Variants in PDSS1 observed in about 807,000 individuals in gnomAD.
PDSS1 encodes the protein all trans-polyprenyl-diphosphate synthase PDSS1.
A neutral mutation model predicts 57.5 loss-of-function variants in PDSS1; 43 were observed. That is an observed-to-expected ratio of 0.75 (90% confidence interval 0.59 to 0.96). PDSS1 has a LOEUF of 0.96. PDSS1 is among the 50% of genes least tolerant of loss of function. PDSS1 has a pLI of 0.00. For synonymous variants in PDSS1, 175 were observed against 191.3 expected, an observed-to-expected ratio of 0.91 and a Z score of 0.70; for missense variants, 438 against 527.8, an observed-to-expected ratio of 0.83 and a Z score of 1.67.
intron 4 of PDSS1, among the ~76,000 whole-genome samples, chr10:26,706,355 C>T (rs1012493074): frequency 1.3e-5 from 2 of 152,334 alleles, no homozygotes; most frequent in Admixed American, 6.5e-5. Flanking sequence ...GTTTCACAGA[C>T]AGTAGGGGCT....
intron 5 of PDSS1, chr10:26,714,552 G>T (rs890011497): frequency 6.6e-6 from 1 of 152,018 alleles, no homozygotes; most frequent in African/African-American, 2.4e-5. Flanking sequence ...CACAGTTATA[G>T]TGTCTGCATG....
Position 26,717,056 on chromosome 10 carries a change from G to A in PDSS1, c.468-3162G>A, listed in dbSNP as rs201096944. ...CAGTGGCAGCATTTCCCAGATGTAAGCTGACACACACTAAAGCTGAACTGG... is the reference window on the plus strand; with the variant it reads ...CAGTGGCAGCATTTCCCAGATGTAAACTGACACACACTAAAGCTGAACTGG... On this transcript the variant is annotated intron_variant, in intron 5 of 11. Transcript: ENST00000376215. Among the ~76,000 whole-genome samples the A allele has an allele frequency of 1.6e-4, 24 of 152,262 alleles. No homozygotes were observed. The East Asian group carries it at 4.6e-3, about 29-fold the overall frequency.
chr10:26,728,078 G>A lies in PDSS1; in HGVS notation c.831+3955G>A, dbSNP rs188207090. ...CGCTTGATTAGGATACTGTCGGGCC[G>A]GGCACAGTGGCTCACGCCTGTAATC... On this transcript the variant is annotated intron_variant, in intron 8 of 11. Coordinates refer to ENST00000376215, the MANE Select transcript of PDSS1 (RefSeq NM_014317.5). 3.9e-5 allele frequency among the ~76,000 whole-genome samples: 6 copies of A among 152,286 alleles called. No homozygotes were observed. In the East Asian group the frequency reaches 7.7e-4, roughly 20 times the overall value.
intron 2 of PDSS1, among the ~76,000 whole-genome samples, chr10:26,704,073 C>T (rs1343475260): frequency 5.9e-5 from 1 of 17,004 alleles, no homozygotes; most frequent in Non-Finnish European, 1.3e-4. Context: ...CAGAACGAGA[C>T]TCCGTCTCAC....
At chr10:26,699,654 C>T (rs1042923599) in intron 1 of PDSS1, among the ~76,000 whole-genome samples, 1 of 152,120 alleles carries the variant, frequency 6.6e-6, no homozygotes, top group African/African-American at 2.4e-5. Context: ...TCCTCGGCCT[C>T]CCAAAGTGCG....
Position 26,724,092 on chromosome 10 carries a change from C to A in PDSS1, c.800C>A (p.Thr267Asn). The change falls in exon 8 of 12, where the codon ACC becomes AAC. Residue 267 changes from threonine to asparagine, a missense_variant. Physicochemically the swap from Thr to Asn is moderately conservative, Grantham distance 65. Around this residue, in one of 2 missense-constraint regions of PDSS1, gnomAD observed 284 missense variants for 390.7 expected, o/e 0.73. Transcript: ENST00000376215. The stretch of plus-strand genomic sequence containing the variant: ...TACCTTGAGAAGACATTCAAGAAGA[C>A]CGCCAGCCTGATAGCCAACAGTTGT... ...AHYLEKTFKK[T>N]ASLIANSCKA... 1 of 1,613,352 alleles carries A rather than the reference C, an allele frequency of 6.2e-7. No individual in the cohort carries two copies. Among genetic ancestry groups the A allele is most frequent in the Non-Finnish European group, 8.5e-7 (1 of 1,179,294 alleles).
In PDSS1 at chr10:26,705,395, G is replaced by A. The variant is rs1227222603; in HGVS notation, c.336+1G>A. On this transcript the variant is annotated splice_donor_variant, in intron 4 of 11. Coordinates refer to ENST00000376215, the MANE Select transcript of PDSS1 (RefSeq NM_014317.5). LOFTEE classifies it high-confidence loss of function. Reference sequence around the variant, plus strand: ...AGGTCTGTATGAGGACATTAGAAAGGTGAGTTTTTTATTCTGCTGTGATGT... The same window carrying A: ...AGGTCTGTATGAGGACATTAGAAAGATGAGTTTTTTATTCTGCTGTGATGT... 2 of 1,503,682 alleles carry A rather than the reference G, an allele frequency of 1.3e-6. No individual in the cohort carries two copies. The highest frequency in any genetic ancestry group is 1.8e-6 in the Non-Finnish European group (2 of 1,082,070). The allele number at this position is 1,503,682 out of a possible 1,614,324, so 93.1% of individuals were successfully genotyped here.
intron 8 of PDSS1, among the ~76,000 whole-genome samples, chr10:26,726,790 G>T (rs1278232153): frequency 6.6e-6 from 1 of 152,064 alleles, no homozygotes; most frequent in Non-Finnish European, 1.5e-5. Flanking sequence ...GGCCGGGCAC[G>T]GTGGCTCACA....
chr10:26,742,375 A>C, intron 10 of PDSS1, 122 bp from the exon 11 acceptor site: 2 of 755,350 alleles, frequency 2.6e-6, no homozygotes, highest in Non-Finnish European at 4.6e-6. Context: ...CATCATCTAG[A>C]CACTTAGTTT....
intron 8 of PDSS1, among the ~76,000 whole-genome samples, chr10:26,728,774 C>CTTTTTTT (rs33930147): frequency 7.7e-4 from 65 of 84,548 alleles, no homozygotes; most frequent in Admixed American, 8.8e-4. Context: ...TATTCTGTAT[C>CTTTTTTT]TTTTTTTTTT....
At chr10:26,728,262 C>T (rs868156856) in intron 8 of PDSS1, among the ~76,000 whole-genome samples, 10 of 151,966 alleles carry the variant, frequency 6.6e-5, no homozygotes, top group Admixed American at 1.3e-4. Context: ...GAGGCCGAGG[C>T]AGGTAGATCA....
chr10:26,721,423 TACACAC>T (rs1554795596), intron 6 of PDSS1, among the ~76,000 whole-genome samples: 9 of 149,268 alleles, frequency 6.0e-5, no homozygotes, highest in South Asian at 2.1e-4. Context: ...GATATATGTA[TACACAC>T]ACACACACAC....
chr10:26,699,290 CTG>C (rs575417093), intron 1 of PDSS1, among the ~76,000 whole-genome samples: 30 of 152,236 alleles, frequency 2.0e-4, no homozygotes, highest in Admixed American at 1.6e-3. Context: ...CATTTCAGGA[CTG>C]TTCTCTCCAG....
intron 6 of PDSS1, among the ~76,000 whole-genome samples, chr10:26,721,264 A>T (rs1212981064): frequency 6.7e-6 from 1 of 149,448 alleles, no homozygotes; most frequent in Admixed American, 6.8e-5. Context: ...ACACTACTGC[A>T]CTCCAGCCTG....
At chr10:26,720,419 A>G (rs532941777) in intron 6 of PDSS1, 60 bp downstream of exon 6, 5 of 1,112,802 alleles carry the variant, frequency 4.5e-6, no homozygotes, top group Non-Finnish European at 5.5e-6. Context: ...TTCGGACCGC[A>G]TTTGTTTCTC....
At chr10:26,714,290 A>C (rs938007141) in intron 5 of PDSS1, among the ~76,000 whole-genome samples, 1 of 152,156 alleles carries the variant, frequency 6.6e-6, no homozygotes. Flanking sequence ...CCTGGCCAAC[A>C]TGGTGAAACC....
chr10:26,709,867 T>C, intron 5 of PDSS1, 99 bp downstream of exon 5: 2 of 1,319,138 alleles, frequency 1.5e-6, no homozygotes, highest in South Asian at 1.2e-5. Context: ...AATTAGCATA[T>C]ACCGGCTGGG....
chr10:26,699,399 T>TC (rs1416172343), intron 1 of PDSS1, among the ~76,000 whole-genome samples: 26 of 145,874 alleles, frequency 1.8e-4, no homozygotes, highest in African/African-American at 5.5e-4. Flanking sequence ...TTCTTCTTCT[T>TC]TTTTTTTTTT....
chr10:26,735,609 C>T, intron 10 of PDSS1, 30 bp downstream of exon 10: 2 of 1,201,076 alleles, frequency 1.7e-6, no homozygotes, highest in South Asian at 2.4e-5. Context: ...TTTGACACAT[C>T]ACTGCATAGC....
Sources: gnomAD v4.1 joint callset for allele counts (sites outside exome capture counted in the v4.1 genomes callset) on GRCh38, gnomAD v4.1.1 for gene constraint, gnomAD v4.1.1 regional missense constraint, MANE v1.5 for transcripts, NCBI Gene and HGNC (gene_info 2026-07-23, HGNC 2026-07-21) for gene names.